The following SARNP variants were observed in gnomAD, a reference collection of about 807,000 sequenced individuals.
SARNP encodes SAP domain-containing ribonucleoprotein.
In SARNP, 5 loss-of-function variants were observed where a neutral mutation model predicts 38.1. The observed-to-expected ratio is 0.13, with a 90% CI of 0.07 to 0.28. The LOEUF (loss-of-function observed/expected upper bound fraction) is 0.28, where lower values mean the gene tolerates loss of function less well. Among genes scored for constraint, SARNP ranks in the 10% least tolerant of loss-of-function variants. The pLI is 1.00. For synonymous variants in SARNP, 84 were observed against 80.6 expected, an observed-to-expected ratio of 1.04 and a Z score of -0.23; for missense variants, 180 against 243.9, an observed-to-expected ratio of 0.74 and a Z score of 1.75.
At chr12:55,797,683 T>C (rs1457425007) in intron 4 of SARNP, among the ~76,000 whole-genome samples, 37 of 152,200 alleles carry the variant, frequency 2.4e-4, no homozygotes, top group Admixed American at 2.4e-3. Context: ...TTTCCTTCCA[T>C]TCTATTACAA....
chr12:55,787,749 CTTTT>C (rs150950873), intron 9 of SARNP, among the ~76,000 whole-genome samples: 2 of 137,148 alleles, frequency 1.5e-5, no homozygotes, highest in African/African-American at 2.7e-5. Flanking sequence ...TTCTTTCTTT[CTTTT>C]TTTTTTTTTT....
chr12:55,766,446 G>A (rs1012556204), intron 9 of SARNP, among the ~76,000 whole-genome samples: 1 of 151,880 alleles, frequency 6.6e-6, no homozygotes, highest in African/African-American at 2.4e-5. Flanking sequence ...CAAGCCAACC[G>A]ACAGATGCCA....
At chr12:55,799,613 CCA>C (rs1305482660) in intron 4 of SARNP, among the ~76,000 whole-genome samples, 2 of 132,168 alleles carry the variant, frequency 1.5e-5, no homozygotes, top group Non-Finnish European at 3.1e-5. Flanking sequence ...GAGTGCAGTG[CCA>C]CAGTCTCGGC....
intron 9 of SARNP, among the ~76,000 whole-genome samples, chr12:55,778,502 G>A (rs1879249530): frequency 6.6e-6 from 1 of 152,142 alleles, no homozygotes; most frequent in African/African-American, 2.4e-5. Context: ...TCCATTGGGA[G>A]GGTGGAGAAA....
chr12:55,781,354 C>T (rs572478221), intron 9 of SARNP, among the ~76,000 whole-genome samples: 5 of 151,642 alleles, frequency 3.3e-5, no homozygotes, highest in Admixed American at 2.6e-4. Context: ...GTCAACATGG[C>T]GAAACCCCAT....
At chr12:55,774,852 T>G (rs1879124870) in intron 9 of SARNP, among the ~76,000 whole-genome samples, 1 of 150,544 alleles carries the variant, frequency 6.6e-6, no homozygotes, top group Non-Finnish European at 1.5e-5. Flanking sequence ...AAACTCCAAA[T>G]ATACAACACC....
intron 9 of SARNP, among the ~76,000 whole-genome samples, chr12:55,765,924 G>A (rs962154685): frequency 2.6e-5 from 4 of 152,122 alleles, no homozygotes; most frequent in Non-Finnish European, 1.5e-5. Flanking sequence ...GCGTGACGGT[G>A]TTGCATGGAA....
intron 9 of SARNP, among the ~76,000 whole-genome samples, chr12:55,765,544 T>C (rs1304207101): frequency 6.6e-6 from 1 of 151,764 alleles, no homozygotes; most frequent in Non-Finnish European, 1.5e-5. Flanking sequence ...AGGGTCTTGC[T>C]ATGTTGCCTA....
downstream of SARNP, chr12:55,753,443 A>C (rs1406176735): frequency 1.3e-5 from 2 of 152,220 alleles, no homozygotes; most frequent in Non-Finnish European, 2.9e-5. Context: ...TGGGAATGGC[A>C]AAAGAATATT....
At chr12:55,816,777 ATTTT>A (rs1040062162) in intron 1 of SARNP, among the ~76,000 whole-genome samples, 1 of 152,108 alleles carries the variant, frequency 6.6e-6, no homozygotes, top group Non-Finnish European at 1.5e-5. Flanking sequence ...TTTTTAATAT[ATTTT>A]TTTAACTTTT....
At chr12:55,800,445 T>A in intron 4 of SARNP, 117 bp downstream of exon 4, 5 of 717,742 alleles carry the variant, frequency 7.0e-6, no homozygotes, top group Non-Finnish European at 1.1e-5. Context: ...AAAAATGACC[T>A]AATCAGAAAG....
chr12:55,771,431 G>C (rs937563984), intron 9 of SARNP, among the ~76,000 whole-genome samples: 3 of 152,106 alleles, frequency 2.0e-5, no homozygotes, highest in Non-Finnish European at 4.4e-5. Flanking sequence ...TATTCTCTGC[G>C]ACCAAAAGAA....
chr12:55,786,865 C>G (rs1879511570), intron 9 of SARNP, among the ~76,000 whole-genome samples: 1 of 152,128 alleles, frequency 6.6e-6, no homozygotes, highest in Admixed American at 6.6e-5. Context: ...CAAGTATTCC[C>G]ACTGAGCACC....
intron 9 of SARNP, among the ~76,000 whole-genome samples, chr12:55,784,848 C>G (rs995579481): frequency 2.0e-5 from 3 of 152,190 alleles, no homozygotes; most frequent in African/African-American, 7.2e-5. Context: ...TAGGATAGTT[C>G]TGAAAATCAA....
intron 9 of SARNP, among the ~76,000 whole-genome samples, chr12:55,778,399 G>A (rs541811232): frequency 2.0e-5 from 3 of 152,128 alleles, no homozygotes; most frequent in East Asian, 1.9e-4. Flanking sequence ...TGCCTGCCTC[G>A]GCCTCTCAAA....
intron 10 of SARNP, among the ~76,000 whole-genome samples, chr12:55,760,219 C>T (rs555287435): frequency 6.6e-6 from 1 of 152,150 alleles, no homozygotes; most frequent in South Asian, 2.1e-4. Flanking sequence ...AGGTGGGTGG[C>T]CAGACATAGT....
intron 4 of SARNP, 131 bp from the exon 5 acceptor site, chr12:55,796,207 A>C (rs1879816314): frequency 1.6e-6 from 1 of 630,348 alleles, no homozygotes. Context: ...AAGCCAAAGA[A>C]ACATGAAGTC....
At chr12:55,772,549 C>A (rs924671649) in intron 9 of SARNP, among the ~76,000 whole-genome samples, 3 of 152,036 alleles carry the variant, frequency 2.0e-5, no homozygotes, top group African/African-American at 7.3e-5. Flanking sequence ...CAAAGCAAGG[C>A]AGGCAGAGGA....
intron 9 of SARNP, among the ~76,000 whole-genome samples, chr12:55,771,282 T>C (rs1247303072): frequency 6.6e-6 from 1 of 152,102 alleles, no homozygotes; most frequent in African/African-American, 2.4e-5. Flanking sequence ...TTATTACCAG[T>C]GCCACTCCGG....
Sources: gnomAD v4.1 joint callset for allele counts (sites outside exome capture counted in the v4.1 genomes callset) on GRCh38, gnomAD v4.1.1 for gene constraint, MANE v1.5 for transcripts, NCBI Gene and HGNC (gene_info 2026-07-23, HGNC 2026-07-21) for gene names.